The following ARHGAP36 variants were observed in gnomAD, a reference collection of about 807,000 sequenced individuals.
The protein encoded by ARHGAP36 is rho GTPase-activating protein 36.
In ARHGAP36, 7 loss-of-function variants were observed where a neutral mutation model predicts 32.9. The ratio of observed to expected loss-of-function variants is 0.21; its 90% CI spans 0.12 to 0.40. ARHGAP36 has a LOEUF of 0.40. Ranked by LOEUF, ARHGAP36 falls within the 10% of genes least tolerant of loss-of-function variation. The pLI is 1.00. For missense variants in ARHGAP36, 383 were observed against 442.2 expected (o/e 0.87, Z 1.20); for synonymous variants, 165 against 168.3 (o/e 0.98, Z 0.15).
intron 1 of ARHGAP36, among the ~76,000 whole-genome samples, chrX:131,076,379 G>A (rs2079763037): frequency 8.9e-6 from 1 of 112,225 alleles, no homozygotes; most frequent in African/African-American, 3.2e-5. Flanking sequence ...GTATCTTCGT[G>A]TACTTGATGT....
intron 1 of ARHGAP36, among the ~76,000 whole-genome samples, chrX:131,072,338 G>C (rs1206520940): frequency 8.9e-6 from 1 of 112,088 alleles, no homozygotes; most frequent in Non-Finnish European, 1.9e-5. Context: ...AAGAAGACCA[G>C]AGGCCCTAGA....
At chrX:131,078,984 G>T (rs1457096093) in intron 1 of ARHGAP36, among the ~76,000 whole-genome samples, 4 of 111,686 alleles carry the variant, frequency 3.6e-5, no homozygotes, top group Admixed American at 9.5e-5. Flanking sequence ...CCTTATATTT[G>T]GGGGAGAGAA....
chrX:131,058,991 G>A (rs1416130681), intron 1 of ARHGAP36, among the ~76,000 whole-genome samples: 1 of 112,402 alleles, frequency 8.9e-6, no homozygotes, highest in Non-Finnish European at 1.9e-5. Context: ...TTACCCAACA[G>A]GTTGGCAGCA....
At position 131,083,914 on chromosome X, in the gene ARHGAP36, G is replaced by A. The variant is rs1234201935; in HGVS notation, c.500G>A (p.Ser167Asn). 1 of 1,210,474 alleles carries A rather than the reference G, an allele frequency of 8.3e-7. No individual in the cohort carries two copies. The highest frequency in any genetic ancestry group is 1.1e-6 in the Non-Finnish European group (1 of 895,381). Residue 167 changes from serine (S) to asparagine (N), a missense_variant, in exon 4 of 12, where the codon AGT becomes AAT. Physicochemically the swap from Ser to Asn is conservative, Grantham distance 46 (BLOSUM62 1). Transcript: ENST00000276211. Reference protein sequence around the residue: ...RVFGRIRRFFSRRRNEPTLPR... With the variant: ...RVFGRIRRFFNRRRNEPTLPR... ...TTTGGCCGCATCCGGCGCTTTTTCAGTCGCAGGCGGAATGAGCCCACCTTG... is the reference window on the plus strand; with the variant it reads ...TTTGGCCGCATCCGGCGCTTTTTCAATCGCAGGCGGAATGAGCCCACCTTG...
intron 1 of ARHGAP36, among the ~76,000 whole-genome samples, chrX:131,069,975 G>A (rs780398827): frequency 2.7e-5 from 3 of 112,464 alleles, no homozygotes; most frequent in South Asian, 3.7e-4. Flanking sequence ...CTATACAGGC[G>A]GCAAGAGATG....
At chrX:131,077,547 A>G (rs1269054200) in intron 1 of ARHGAP36, among the ~76,000 whole-genome samples, 1 of 110,265 alleles carries the variant, frequency 9.1e-6, no homozygotes, top group Admixed American at 9.6e-5. Flanking sequence ...TTCAGTCCTC[A>G]CAATGTTGAA....
chrX:131,061,336 C>T (rs747821860), intron 1 of ARHGAP36, among the ~76,000 whole-genome samples: 3 of 110,865 alleles, frequency 2.7e-5, no homozygotes, highest in East Asian at 2.8e-4. Flanking sequence ...AGGGCGACAA[C>T]GGGCAATGGG....
intron 1 of ARHGAP36, chrX:131,072,894 G>A (rs1390908557): frequency 8.9e-6 from 1 of 112,308 alleles, no homozygotes; most frequent in Non-Finnish European, 1.9e-5. Context: ...AATCTGAGAG[G>A]CAGAGCCAAG....
chrX:131,077,422 T>C (rs1361021944), intron 1 of ARHGAP36, among the ~76,000 whole-genome samples: 3 of 111,143 alleles, frequency 2.7e-5, no homozygotes, highest in Admixed American at 1.9e-4. Context: ...CTTTTTTTTT[T>C]CCATAGGTGT....
At chrX:131,084,507 G>T (rs1474597205) in intron 5 of ARHGAP36, 100 bp downstream of exon 5, 4 of 1,130,939 alleles carry the variant, frequency 3.5e-6, no homozygotes, top group Non-Finnish European at 4.8e-6. Context: ...TGAAGGGCTT[G>T]GATAACATTC....
chrX:131,085,965 C>T lies in ARHGAP36; in HGVS notation c.1157C>T (p.Ala386Val). Reference sequence around the variant, plus strand: ...AACTTGGCCTTGGTGTTTGGATCTGCTCTCCTGAAAAAAGGAAAGTTTGGC... The same window carrying T: ...AACTTGGCCTTGGTGTTTGGATCTGTTCTCCTGAAAAAAGGAAAGTTTGGC... ...STNLALVFGS[A>V]LLKKGKFGKR... The change falls in exon 9 of 12, where the codon GCT becomes GTT. Residue 386 changes from alanine to valine, a missense_variant. This residue lies in a region of ARHGAP36 where 227 missense variants were observed against 311.3 expected (regional missense o/e 0.73). Transcript: ENST00000276211. The T allele has an allele frequency of 8.3e-7, 1 of 1,211,580 alleles. No individual in the cohort carries two copies. Among genetic ancestry groups the T allele is most frequent in the Non-Finnish European group, 1.1e-6 (1 of 895,390 alleles).
At chrX:131,070,760 C>T (rs1236881075) in intron 1 of ARHGAP36, among the ~76,000 whole-genome samples, 3 of 109,455 alleles carry the variant, frequency 2.7e-5, no homozygotes, top group South Asian at 4.0e-4. Context: ...CTATATCATG[C>T]GGTCTTTGTG....
intron 8 of ARHGAP36, 82 bp downstream of exon 8, chrX:131,085,818 G>A (rs1046218455): frequency 4.2e-6 from 5 of 1,176,955 alleles, no homozygotes; most frequent in South Asian, 1.9e-5. Context: ...TGGATGGAGA[G>A]GAGAGAGAGA....
intron 1 of ARHGAP36, among the ~76,000 whole-genome samples, chrX:131,070,100 TAAAGAGTTATTCCATTGGAC>T (rs1054874033): frequency 1.6e-4 from 18 of 112,237 alleles, no homozygotes; most frequent in Admixed American, 7.5e-4. Context: ...TGGCTTTGGA[TAAAGAGTTATTCCATTGGAC>T]AAAGAGTTAT....
chrX:131,086,774 A>T, intron 11 of ARHGAP36, 109 bp downstream of exon 11: 1 of 594,204 alleles, frequency 1.7e-6, no homozygotes, highest in East Asian at 3.4e-5. Context: ...CTTGAGGAAG[A>T]TGAGTCCTCT....
In ARHGAP36 at chrX:131,085,576, T is replaced by C; in HGVS notation, c.956-12T>C. 8.3e-7 allele frequency: 1 copy of C among 1,208,692 alleles called. No homozygotes were observed. Among genetic ancestry groups the C allele is most frequent in the Non-Finnish European group, 1.1e-6 (1 of 894,367 alleles). ...TATCCCCCTGAGACAGCCCCTGTTT[T>C]CCTTCTTCTAGCTTTAAAGCCCCAG... is the stretch of plus-strand genomic sequence containing the variant. On this transcript the variant is annotated splice_polypyrimidine_tract_variant and intron_variant, in intron 7 of 11. Transcript: ENST00000276211.
intron 3 of ARHGAP36, among the ~76,000 whole-genome samples, chrX:131,083,529 C>T (rs780135038): frequency 1.8e-5 from 2 of 111,975 alleles, no homozygotes; most frequent in South Asian, 7.5e-4. Context: ...CGAGCCTCGT[C>T]GGGGTGGTTG....
intron 5 of ARHGAP36, 65 bp from the exon 6 acceptor site, chrX:131,084,561 G>T: frequency 8.5e-7 from 1 of 1,181,441 alleles, no homozygotes; most frequent in East Asian, 3.0e-5. Context: ...GGGGTGAGGG[G>T]AGAAGAGAAA....
At chrX:131,068,257 GCATA>G (rs901957549) in intron 1 of ARHGAP36, among the ~76,000 whole-genome samples, 1 of 111,133 alleles carries the variant, frequency 9.0e-6, no homozygotes, top group Admixed American at 9.4e-5. Flanking sequence ...ACGCTTACAT[GCATA>G]CATACATACA....
Sources: allele counts gnomAD v4.1 joint callset (sites outside exome capture counted in the v4.1 genomes callset), GRCh38; gene constraint gnomAD v4.1.1; regional missense constraint gnomAD v4.1.1; transcripts MANE v1.5; gene names NCBI Gene and HGNC (gene_info 2026-07-23, HGNC 2026-07-21).